Variants in MAP3K7 observed in about 807,000 individuals in gnomAD.
The protein encoded by MAP3K7 is mitogen-activated protein kinase kinase kinase 7.
In MAP3K7, 21 loss-of-function variants were observed where a neutral mutation model predicts 84.8. That is an observed-to-expected ratio of 0.25 (90% CI 0.18 to 0.36). The LOEUF (loss-of-function observed/expected upper bound fraction) is 0.36, where lower values mean the gene tolerates loss of function less well. MAP3K7 is among the 10% of genes least tolerant of loss of function. The pLI, the probability that MAP3K7 is intolerant of heterozygous loss-of-function variation, is 1.00. For synonymous variants in MAP3K7, 241 were observed against 247.7 expected, an observed-to-expected ratio of 0.97 and a Z score of 0.25; for missense variants, 503 against 747.7, an observed-to-expected ratio of 0.67 and a Z score of 3.82.
intron 12 of MAP3K7, among the ~76,000 whole-genome samples, chr6:90,543,182 T>C (rs1775906196): frequency 6.6e-6 from 1 of 152,054 alleles, no homozygotes; most frequent in African/African-American, 2.4e-5. Context: ...CCATGTAAAA[T>C]GATCTCTTTG....
intron 1 of MAP3K7, among the ~76,000 whole-genome samples, chr6:90,572,071 A>G (rs189447486): frequency 1.3e-3 from 191 of 152,192 alleles, no homozygotes; most frequent in Non-Finnish European, 2.0e-3. Flanking sequence ...AAAACCAAAA[A>G]AGACACATGG....
intron 5 of MAP3K7, 23 bp downstream of exon 5, chr6:90,560,053 G>GGT: frequency 6.2e-7 from 1 of 1,613,882 alleles, no homozygotes; most frequent in South Asian, 1.1e-5. Flanking sequence ...GAGGCTGAGG[G>GGT]GTGTCACATT....
intron 14 of MAP3K7, among the ~76,000 whole-genome samples, chr6:90,521,385 A>G (rs1775145645): frequency 6.6e-6 from 1 of 151,994 alleles, no homozygotes; most frequent in Admixed American, 6.6e-5. Context: ...CCCCTCAAAC[A>G]CAACACTTGT....
Position 90,571,762 on chromosome 6 carries a change from T to G in MAP3K7, c.166A>C (p.Arg56=), listed in dbSNP as rs755090157. The G allele has an allele frequency of 6.2e-7, 1 of 1,606,522 alleles. No homozygotes were observed. The highest frequency in any genetic ancestry group is 8.5e-7 in the Non-Finnish European group (1 of 1,176,842). ...TGTTTAATAGCAACATCTTTTGCTCTCCACTTAGCTTTGCAAACAACTCCA... is the reference window on the plus strand; with the variant it reads ...TGTTTAATAGCAACATCTTTTGCTCGCCACTTAGCTTTGCAAACAACTCCA... The part of the protein sequence containing the change: ...AFGVVCKAKW[R]AKDVAIKQIE... Residue 56 remains arginine, a synonymous_variant, in exon 2 of 17, where the codon AGA becomes CGA. Transcript: ENST00000369329.
chr6:90,575,155 G>C (rs1271614589), intron 1 of MAP3K7, among the ~76,000 whole-genome samples: 1 of 152,126 alleles, frequency 6.6e-6, no homozygotes, highest in Non-Finnish European at 1.5e-5. Flanking sequence ...TAGCATAAAG[G>C]TAGATACACT....
At chr6:90,536,478 A>G in intron 12 of MAP3K7, 77 bp from the exon 13 acceptor site, 1 of 1,074,354 alleles carries the variant, frequency 9.3e-7, no homozygotes, top group Non-Finnish European at 1.3e-6. Context: ...TACAGCAGAA[A>G]GTTGGAATTT....
intron 14 of MAP3K7, 70 bp from the exon 15 acceptor site, chr6:90,519,389 G>A: frequency 1.0e-6 from 1 of 987,568 alleles, no homozygotes; most frequent in Non-Finnish European, 1.5e-6. Context: ...AAGAAAGCAT[G>A]AATGAAATGC....
intron 14 of MAP3K7, among the ~76,000 whole-genome samples, chr6:90,519,901 C>T (rs1230905208): frequency 2.0e-5 from 3 of 151,902 alleles, no homozygotes; most frequent in African/African-American, 4.8e-5. Context: ...ATTACAAATA[C>T]GAACAGTAAG....
intron 6 of MAP3K7, 87 bp from the exon 7 acceptor site, chr6:90,553,673 A>G: frequency 4.4e-6 from 5 of 1,139,510 alleles, no homozygotes; most frequent in South Asian, 1.5e-5. Flanking sequence ...GAGAATGGGT[A>G]TCAGGGATAA....
intron 12 of MAP3K7, among the ~76,000 whole-genome samples, chr6:90,539,240 C>T (rs1214903836): frequency 6.6e-6 from 1 of 151,810 alleles, no homozygotes; most frequent in African/African-American, 2.4e-5. Flanking sequence ...AATAAACCAG[C>T]TTTATTAGCT....
chr6:90,583,086 T>C (rs1777332417), intron 1 of MAP3K7, among the ~76,000 whole-genome samples: 1 of 152,118 alleles, frequency 6.6e-6, no homozygotes, highest in Non-Finnish European at 1.5e-5. Context: ...TTTCTCCGTG[T>C]TGGCCAGGGT....
intron 14 of MAP3K7, among the ~76,000 whole-genome samples, chr6:90,519,572 AAT>A (rs1375713666): frequency 6.6e-6 from 1 of 152,010 alleles, no homozygotes; most frequent in Non-Finnish European, 1.5e-5. Context: ...AATAGAACAC[AAT>A]ATATTAGAGC....
intron 1 of MAP3K7, among the ~76,000 whole-genome samples, chr6:90,575,967 G>C (rs954174240): frequency 2.6e-5 from 4 of 152,046 alleles, no homozygotes; most frequent in African/African-American, 9.7e-5. Flanking sequence ...GTGAAGGGAG[G>C]GGAGGAGAAA....
At chr6:90,542,798 C>G (rs1415738904) in intron 12 of MAP3K7, among the ~76,000 whole-genome samples, 1 of 151,998 alleles carries the variant, frequency 6.6e-6, no homozygotes, top group South Asian at 2.1e-4. Flanking sequence ...CAGGGGTTTT[C>G]AGCCTCAGCA....
chr6:90,551,213 A>G (rs1318747809), intron 8 of MAP3K7: 1 of 152,156 alleles, frequency 6.6e-6, no homozygotes, highest in African/African-American at 2.4e-5. Context: ...GTAAACTTTT[A>G]GTAGATTAGT....
At chr6:90,534,762 G>A (rs940947658) in intron 13 of MAP3K7, among the ~76,000 whole-genome samples, 1 of 152,164 alleles carries the variant, frequency 6.6e-6, no homozygotes, top group Non-Finnish European at 1.5e-5. Flanking sequence ...ACTAGTAGCT[G>A]CTCCTGACAT....
chr6:90,557,824 C>T (rs1314143897), intron 5 of MAP3K7, among the ~76,000 whole-genome samples: 6 of 152,162 alleles, frequency 3.9e-5, no homozygotes, highest in Admixed American at 3.9e-4. Context: ...TCTTTGTAGG[C>T]TTACTTTCAC....
At chr6:90,540,224 T>C (rs1027734733) in intron 12 of MAP3K7, among the ~76,000 whole-genome samples, 4 of 151,854 alleles carry the variant, frequency 2.6e-5, no homozygotes, top group African/African-American at 7.2e-5. Flanking sequence ...TCCTCTTTGG[T>C]CAAGGCATTT....
At chr6:90,561,728 G>A (rs1340807139) in intron 3 of MAP3K7, 61 bp from the exon 4 acceptor site, 1 of 1,167,832 alleles carries the variant, frequency 8.6e-7, no homozygotes, top group South Asian at 1.3e-5. Context: ...GGGCCTTTGA[G>A]AGAGAATTTA....
Sources: gnomAD v4.1 joint callset for allele counts (sites outside exome capture counted in the v4.1 genomes callset) on GRCh38, gnomAD v4.1.1 for gene constraint, MANE v1.5 for transcripts, NCBI Gene and HGNC (gene_info 2026-07-23, HGNC 2026-07-21) for gene names.